NR2F1-AS1: variants seen among roughly 807,000 people sequenced by gnomAD.
NR2F1-AS1 encodes the protein NR2F1 antisense RNA 1.
chr5:93,460,110 A>T (rs1750056653), intron 4 of NR2F1-AS1, among the ~76,000 whole-genome samples: 1 of 152,130 alleles, frequency 6.6e-6, no homozygotes, highest in South Asian at 2.1e-4. Flanking sequence ...TTAAAAAAAA[A>T]ATTTCTCACC....
chr5:93,556,189 C>G (rs1366983901), intron 2 of NR2F1-AS1, among the ~76,000 whole-genome samples: 1 of 152,168 alleles, frequency 6.6e-6, no homozygotes, highest in Non-Finnish European at 1.5e-5. Flanking sequence ...ACCAGTTACA[C>G]TTATCTCAAA....
intron 4 of NR2F1-AS1, among the ~76,000 whole-genome samples, chr5:93,445,463 C>T (rs1452568211): frequency 1.3e-5 from 2 of 152,090 alleles, no homozygotes; most frequent in Admixed American, 1.3e-4. Flanking sequence ...TGGATAAATT[C>T]CTGGACACAT....
Position 93,530,903 on chromosome 5 carries a change from GA to G in NR2F1-AS1, n.638+22857del, listed in dbSNP as rs199671473. Among the ~76,000 whole-genome samples, 1,254 of 150,410 alleles carry G rather than the reference GA, an allele frequency of 8.3e-3. 7 individuals carry two copies. Among genetic ancestry groups the G allele is most frequent in the Middle Eastern group, 0.014 (4 of 294 alleles). Reference sequence around the variant, plus strand: ...ACTTTTCTTAAGTTTAATTTTTTTTGAAAAAAAATAAAAAAGGAGTAAATGT... The same window carrying G: ...ACTTTTCTTAAGTTTAATTTTTTTTGAAAAAAATAAAAAAGGAGTAAATGT... On this transcript the variant is annotated intron_variant and non_coding_transcript_variant, in intron 4 of 5. Transcript: ENST00000660523.
chr5:93,545,195 C>T (rs928689907), intron 4 of NR2F1-AS1, among the ~76,000 whole-genome samples: 7 of 152,156 alleles, frequency 4.6e-5, no homozygotes, highest in African/African-American at 1.2e-4. Flanking sequence ...ATAATGTCCA[C>T]GGCTTAGTAC....
chr5:93,468,034 T>C (rs551843844), intron 4 of NR2F1-AS1, among the ~76,000 whole-genome samples: 1 of 152,358 alleles, frequency 6.6e-6, no homozygotes, highest in Non-Finnish European at 1.5e-5. Flanking sequence ...TGTGTCACAT[T>C]TTCTTAATCC....
intron 4 of NR2F1-AS1, among the ~76,000 whole-genome samples, chr5:93,463,637 C>T (rs137864598): frequency 2.0e-4 from 31 of 152,296 alleles, no homozygotes; most frequent in South Asian, 1.2e-3. Context: ...GGGGCCTGTA[C>T]CCTGTAAAGC....
intron 4 of NR2F1-AS1, among the ~76,000 whole-genome samples, chr5:93,503,172 T>C (rs1751119027): frequency 6.6e-6 from 1 of 152,180 alleles, no homozygotes. Context: ...ATAAACTAAC[T>C]TATGTATCAA....
chr5:93,561,684 G>A (rs1359805761), intron 2 of NR2F1-AS1, among the ~76,000 whole-genome samples: 1 of 151,786 alleles, frequency 6.6e-6, no homozygotes, highest in Non-Finnish European at 1.5e-5. Flanking sequence ...GAGGCGGAAG[G>A]ATCACTTGAG....
chr5:93,528,669 A>G (rs1039581352), intron 4 of NR2F1-AS1, among the ~76,000 whole-genome samples: 2 of 152,230 alleles, frequency 1.3e-5, no homozygotes, highest in Non-Finnish European at 1.5e-5. Flanking sequence ...TCAACGATAG[A>G]CTGGATAAAG....
upstream of NR2F1-AS1, chr5:93,583,389 G>C (rs1472306650): frequency 7.2e-6 from 1 of 139,220 alleles, no homozygotes; most frequent in Non-Finnish European, 1.5e-5. Flanking sequence ...TCTCTTCTCT[G>C]AACCTCTCTT....
chr5:93,440,777 G>T (rs527256310), intron 4 of NR2F1-AS1, among the ~76,000 whole-genome samples: 13 of 152,240 alleles, frequency 8.5e-5, no homozygotes, highest in Non-Finnish European at 7.4e-5. Flanking sequence ...AGCCTTCCTA[G>T]TCCTAGGTTT....
intron 4 of NR2F1-AS1, among the ~76,000 whole-genome samples, chr5:93,457,619 T>C (rs1406207385): frequency 1.3e-5 from 2 of 152,212 alleles, no homozygotes; most frequent in African/African-American, 4.8e-5. Flanking sequence ...ATTGTCATCA[T>C]GGCTTGTCCT....
Position 93,447,845 on chromosome 5 carries a change from T to C in NR2F1-AS1, n.639-52303A>G, listed in dbSNP as rs1749748738. 2.0e-5 allele frequency among the ~76,000 whole-genome samples: 3 copies of C among 152,176 alleles called. No homozygotes were observed. In the South Asian group the frequency reaches 6.2e-4, roughly 32 times the overall value. On this transcript the variant is annotated intron_variant and non_coding_transcript_variant, in intron 4 of 5. Transcript: ENST00000660523. Reference sequence around the variant, plus strand: ...GATTAAGAAAATGTGGTGGCACATATACACCATGGAATACTATGCAGCCAT... The same window carrying C: ...GATTAAGAAAATGTGGTGGCACATACACACCATGGAATACTATGCAGCCAT...
At chr5:93,432,080 T>C (rs910310057) in intron 4 of NR2F1-AS1, among the ~76,000 whole-genome samples, 2 of 152,212 alleles carry the variant, frequency 1.3e-5, no homozygotes, top group Admixed American at 1.3e-4. Flanking sequence ...TGTATACTAC[T>C]TGACAAAATA....
chr5:93,565,807 GA>G (rs987824611), intron 1 of NR2F1-AS1, among the ~76,000 whole-genome samples: 4 of 147,356 alleles, frequency 2.7e-5, no homozygotes, highest in African/African-American at 7.5e-5. Flanking sequence ...CCCAACATAA[GA>G]AAAAAAAAGC....
Position 93,426,315 on chromosome 5 carries a change from T to C in NR2F1-AS1, n.639-30773A>G, listed in dbSNP as rs148111967. 5.9e-5 allele frequency among the ~76,000 whole-genome samples: 9 copies of C among 152,190 alleles called. No homozygotes were observed. In the South Asian group the frequency reaches 1.5e-3, roughly 25 times the overall value. On this transcript the variant is annotated intron_variant and non_coding_transcript_variant, in intron 4 of 5. Transcript: ENST00000660523. ...CTTCCACCTTGACCTCCCAAAGTGCTGGAATTACAGGCATCAGCCACCATG... is the reference window on the plus strand; with the variant it reads ...CTTCCACCTTGACCTCCCAAAGTGCCGGAATTACAGGCATCAGCCACCATG...
intron 4 of NR2F1-AS1, among the ~76,000 whole-genome samples, chr5:93,495,714 T>C (rs866680570): frequency 1.3e-5 from 2 of 152,042 alleles, no homozygotes; most frequent in East Asian, 1.9e-4. Flanking sequence ...TATTTATATA[T>C]ACAAACATGA....
intron 4 of NR2F1-AS1, among the ~76,000 whole-genome samples, chr5:93,452,717 C>T (rs1236552373): frequency 6.6e-6 from 1 of 152,044 alleles, no homozygotes; most frequent in Non-Finnish European, 1.5e-5. Context: ...AGTGGAGAGG[C>T]CATATAGTAC....
At chr5:93,428,902 C>T (rs901265239) in intron 4 of NR2F1-AS1, among the ~76,000 whole-genome samples, 1 of 152,176 alleles carries the variant, frequency 6.6e-6, no homozygotes, top group Non-Finnish European at 1.5e-5. Flanking sequence ...TAAAAATTCT[C>T]TCTGTGGCTT....
Sources: allele counts gnomAD v4.1 joint callset (sites outside exome capture counted in the v4.1 genomes callset), GRCh38; gene constraint gnomAD v4.1.1; transcripts MANE v1.5; gene names NCBI Gene and HGNC (gene_info 2026-07-23, HGNC 2026-07-21).